The following ANKRD55 variants were observed in gnomAD, a reference collection of about 807,000 sequenced individuals.
ANKRD55 encodes ankyrin repeat domain-containing protein 55.
A neutral mutation model predicts 60.6 loss-of-function variants in ANKRD55; 41 were observed. The observed-to-expected ratio is 0.68, with a 90% CI of 0.53 to 0.88. The LOEUF (loss-of-function observed/expected upper bound fraction) is 0.88. Ranked by LOEUF, ANKRD55 falls within the 40% of genes least tolerant of loss-of-function variation. The pLI is 0.00. For missense variants in ANKRD55, 732 were observed against 767.6 expected (o/e 0.95, Z 0.55); for synonymous variants, 264 against 290.3 (o/e 0.91, Z 0.92).
In ANKRD55 at chr5:56,100,321, G is replaced by A; in HGVS notation, c.1724-17C>T. ...CAGATAGAACTGGGAAGAAAGAATA[G>A]AACAAGAGACTTTCAAGATTTGCTT... On this transcript the variant is annotated splice_polypyrimidine_tract_variant and intron_variant, in intron 11 of 11. Transcript: ENST00000341048. 1 of 1,613,956 alleles carries A rather than the reference G, an allele frequency of 6.2e-7. No homozygotes were observed. The highest frequency in any genetic ancestry group is 8.5e-7 in the Non-Finnish European group (1 of 1,179,890).
In ANKRD55 at chr5:56,143,918, T is replaced by G. The variant is rs1181454615; in HGVS notation, c.495A>C (p.Pro165=). 1 of 1,613,770 alleles carries G rather than the reference T, an allele frequency of 6.2e-7. No homozygotes were observed. The highest frequency in any genetic ancestry group is 2.2e-5 in the East Asian group (1 of 44,874). Reference sequence around the variant, plus strand: ...GGTTGTGGAAAGCCGCCCAGTGGAGTGGTGTCATTCCCTGCAAAACAACAG... The same window carrying G: ...GGTTGTGGAAAGCCGCCCAGTGGAGGGGTGTCATTCCCTGCAAAACAACAG... The part of the protein sequence containing the change: ...INHQDNEGMT[P]LHWAAFHNQP... The change falls in exon 7 of 12, where the codon CCA becomes CCC. Residue 165 remains proline (P), a synonymous_variant. Coordinates refer to ENST00000341048, the MANE Select transcript of ANKRD55 (RefSeq NM_024669.3).
At position 56,102,519 on chromosome 5, in the gene ANKRD55, G is replaced by T. The variant is rs878856662; in HGVS notation, c.1698C>A (p.Asn566Lys). 6.2e-7 allele frequency: 1 copy of T among 1,613,708 alleles called. No homozygotes were observed. The highest frequency in any genetic ancestry group is 2.2e-5 in the East Asian group (1 of 44,844). Residue 566 changes from asparagine (N) to lysine (K), a missense_variant, in exon 11 of 12, where the codon AAC becomes AAA. Asn to Lys is a moderately conservative substitution (Grantham distance 94). Transcript: ENST00000341048. Reference sequence around the variant, plus strand: ...ATTTTTGATCTGGTAGGGGAGCTAGGTTGTTCCGAGTGAAAGGAAGATCCC... The same window carrying T: ...ATTTTTGATCTGGTAGGGGAGCTAGTTTGTTCCGAGTGAAAGGAAGATCCC... ...KIRDLPFTRN[N>K]LAPLPDQKFL... is the part of the protein sequence containing the mutation.
intron 7 of ANKRD55, chr5:56,137,606 T>C (rs556560778): frequency 1.4e-5 from 9 of 625,568 alleles, no homozygotes; most frequent in Admixed American, 8.1e-5. Context: ...AGGAGCAAAA[T>C]TGAGATGACC....
intron 8 of ANKRD55, among the ~76,000 whole-genome samples, chr5:56,123,709 C>T (rs1245207218): frequency 6.6e-6 from 1 of 152,132 alleles, no homozygotes; most frequent in Admixed American, 6.5e-5. Flanking sequence ...CTAAGACCGA[C>T]TGTTTAAATT....
intron 8 of ANKRD55, among the ~76,000 whole-genome samples, chr5:56,122,815 G>C (rs1580954636): frequency 1.3e-5 from 2 of 151,504 alleles, no homozygotes; most frequent in African/African-American, 4.9e-5. Context: ...ACCCAGGCTG[G>C]AGTGCAGTGG....
chr5:56,122,018 T>C (rs975077594), intron 8 of ANKRD55, among the ~76,000 whole-genome samples: 4 of 152,216 alleles, frequency 2.6e-5, no homozygotes, highest in Non-Finnish European at 4.4e-5. Flanking sequence ...GTGCCTAATG[T>C]ACAGCAAATA....
At chr5:56,222,944 G>A (rs1760006162) in intron 2 of ANKRD55, among the ~76,000 whole-genome samples, 1 of 152,212 alleles carries the variant, frequency 6.6e-6, no homozygotes, top group Non-Finnish European at 1.5e-5. Context: ...ATATTATCCA[G>A]GAGAACGTCC....
chr5:56,170,837 CAG>C, intron 4 of ANKRD55, 34 bp from the exon 5 acceptor site: 1 of 1,582,168 alleles, frequency 6.3e-7, no homozygotes. Flanking sequence ...CATTATATAA[CAG>C]AAGCTCACGT....
intron 2 of ANKRD55, among the ~76,000 whole-genome samples, chr5:56,225,559 T>C (rs1438897694): frequency 2.0e-5 from 3 of 152,204 alleles, no homozygotes; most frequent in Non-Finnish European, 4.4e-5. Flanking sequence ...TGTTTGCAGA[T>C]GACATGATTG....
chr5:56,185,035 A>G (rs1581008210), intron 2 of ANKRD55, among the ~76,000 whole-genome samples: 2 of 152,202 alleles, frequency 1.3e-5, no homozygotes, highest in South Asian at 4.2e-4. Context: ...AGCCTGGCCA[A>G]TGTGGAGAAA....
chr5:56,157,570 C>T (rs1180821822), intron 6 of ANKRD55, among the ~76,000 whole-genome samples: 9 of 152,016 alleles, frequency 5.9e-5, no homozygotes, highest in South Asian at 2.1e-4. Context: ...AGGAGAAAAC[C>T]GCCTTAGGGC....
At position 56,116,759 on chromosome 5, in the gene ANKRD55, G is replaced by A; in HGVS notation, c.821C>T (p.Ala274Val). The A allele has an allele frequency of 6.2e-7, 1 of 1,612,676 alleles. No individual in the cohort carries two copies. ...DDRTPLHWAA[A>V]AGKAECVQSL... ...CTGGACACATTCGGCCTTCCCTGCA[G>A]CTGCAGCCCAGTGCAGAGGTGTCCT... Residue 274 changes from alanine (A) to valine (V), a missense_variant, in exon 9 of 12, where the codon GCT (alanine) becomes GTT (valine). By Grantham distance (64) the Ala-to-Val change is moderately conservative. Around this residue, in one of 3 missense-constraint regions of ANKRD55, gnomAD observed 597 missense variants for 607.5 expected, o/e 0.98. Coordinates refer to ENST00000341048, the MANE Select transcript of ANKRD55 (RefSeq NM_024669.3).
At chr5:56,147,764 T>A (rs1336312270) in intron 6 of ANKRD55, among the ~76,000 whole-genome samples, 1 of 152,140 alleles carries the variant, frequency 6.6e-6, no homozygotes, top group Non-Finnish European at 1.5e-5. Flanking sequence ...GAAATAAGAA[T>A]AAATCCTCTT....
At chr5:56,205,974 G>T (rs199952445) in intron 2 of ANKRD55, among the ~76,000 whole-genome samples, 18 of 134,950 alleles carry the variant, frequency 1.3e-4, no homozygotes, top group South Asian at 2.4e-4. Context: ...TTTCTTTCTT[G>T]TTTTTTTTTT....
intron 2 of ANKRD55, among the ~76,000 whole-genome samples, chr5:56,225,664 A>G (rs1385437056): frequency 1.3e-5 from 2 of 152,212 alleles, no homozygotes; most frequent in East Asian, 3.8e-4. Flanking sequence ...ATGTGCAAAA[A>G]TCACAAGCAT....
intron 9 of ANKRD55, among the ~76,000 whole-genome samples, chr5:56,112,626 C>T (rs1167569198): frequency 1.3e-5 from 2 of 151,550 alleles, no homozygotes; most frequent in African/African-American, 4.8e-5. Context: ...ATGCCCAATG[C>T]GCAGGCAAAT....
At chr5:56,221,608 G>C (rs1025332008) in intron 2 of ANKRD55, among the ~76,000 whole-genome samples, 1 of 152,226 alleles carries the variant, frequency 6.6e-6, no homozygotes, top group Non-Finnish European at 1.5e-5. Context: ...AAGGGAAGCA[G>C]TGACAGATGG....
At chr5:56,188,231 G>A (rs1759018797) in intron 2 of ANKRD55, among the ~76,000 whole-genome samples, 1 of 152,008 alleles carries the variant, frequency 6.6e-6, no homozygotes, top group Non-Finnish European at 1.5e-5. Flanking sequence ...TGTTGACTGG[G>A]GTTGTCGAGA....
intron 7 of ANKRD55, chr5:56,127,376 G>T (rs1291501823): frequency 2.0e-6 from 2 of 976,436 alleles, no homozygotes; most frequent in Admixed American, 1.3e-4. Flanking sequence ...AGGATGGATT[G>T]AAATTAAATA....
Sources: allele counts gnomAD v4.1 joint callset (sites outside exome capture counted in the v4.1 genomes callset), GRCh38; gene constraint gnomAD v4.1.1; regional missense constraint gnomAD v4.1.1; transcripts MANE v1.5; gene names NCBI Gene and HGNC (gene_info 2026-07-23, HGNC 2026-07-21).